ANKFN1: variants seen among roughly 807,000 people sequenced by gnomAD.
ANKFN1 encodes ankyrin repeat and fibronectin type III domain containing 1, also known as ankyrin repeat and fibronectin type-III domain-containing protein 1.
Under a neutral mutation model 108.7 loss-of-function variants are expected in ANKFN1, and 74 were observed. The observed-to-expected ratio is 0.68, with a 90% CI of 0.56 to 0.83. The LOEUF is 0.83. ANKFN1 is among the 40% of genes least tolerant of loss of function. ANKFN1 has a pLI of 0.00. For synonymous variants in ANKFN1, 547 were observed against 516.2 expected, an observed-to-expected ratio of 1.06 and a Z score of -0.81; for missense variants, 1,505 against 1,382.3, an observed-to-expected ratio of 1.09 and a Z score of -1.41.
intron 4 of ANKFN1, among the ~76,000 whole-genome samples, chr17:56,100,328 A>G (rs555193349): frequency 3.9e-5 from 6 of 152,322 alleles, no homozygotes; most frequent in Non-Finnish European, 8.8e-5. Flanking sequence ...TGTCTGTGCC[A>G]TTCAACTTTT....
At chr17:56,387,310 G>A (rs1380138732) in intron 8 of ANKFN1, among the ~76,000 whole-genome samples, 2 of 152,030 alleles carry the variant, frequency 1.3e-5, no homozygotes, top group Non-Finnish European at 2.9e-5. Flanking sequence ...GTTCCCCTGA[G>A]TACTGTTTTG....
rs1345329236 is a variant in ANKFN1 at position 56,170,813 on chromosome 17, C to T, written c.-71+17283C>T. 7.1e-3 allele frequency among the ~76,000 whole-genome samples: 822 copies of T among 115,928 alleles called. 12 individuals carry two copies. Among genetic ancestry groups the T allele is most frequent in the African/African-American group, 0.03 (734 of 24,512 alleles). The allele number at this position is 115,928 out of a possible 152,430, so 76.1% of individuals were successfully genotyped here. A position where few individuals can be genotyped will look rare whatever the true frequency, so the allele number is the denominator to read the frequency against. On this transcript the variant is annotated intron_variant, in intron 1 of 20. Coordinates refer to ENST00000682825, the MANE Select transcript of ANKFN1 (RefSeq NM_001370326.1). ...ATATATATATATATATATATACACACACACACACACACACACACACATATA... is the reference window on the plus strand; with the variant it reads ...ATATATATATATATATATATACACATACACACACACACACACACACATATA...
chr17:56,068,884 C>T (rs148406174), intron 4 of ANKFN1, among the ~76,000 whole-genome samples: 13 of 152,162 alleles, frequency 8.5e-5, no homozygotes, highest in African/African-American at 2.2e-4. Flanking sequence ...TCCTTTATCA[C>T]GTATGTATTT....
chr17:56,442,616 G>A (rs1232606410), intron 9 of ANKFN1, among the ~76,000 whole-genome samples: 2 of 151,972 alleles, frequency 1.3e-5, no homozygotes, highest in Non-Finnish European at 2.9e-5. Context: ...AAACTAAGAG[G>A]GAACTTCAAA....
intron 3 of ANKFN1, among the ~76,000 whole-genome samples, chr17:56,257,467 A>G (rs989506602): frequency 6.6e-6 from 1 of 152,204 alleles, no homozygotes; most frequent in Non-Finnish European, 1.5e-5. Flanking sequence ...AAAGAGGGCA[A>G]ATCTCACAGG....
intron 4 of ANKFN1, among the ~76,000 whole-genome samples, chr17:56,107,214 G>A (rs1457380843): frequency 3.9e-5 from 6 of 152,160 alleles, no homozygotes; most frequent in Non-Finnish European, 7.4e-5. Context: ...TGCAGAGCTT[G>A]AAGGGTGGGC....
chr17:56,411,077 G>A (rs1018280261), intron 8 of ANKFN1, among the ~76,000 whole-genome samples: 5 of 152,070 alleles, frequency 3.3e-5, no homozygotes, highest in African/African-American at 4.8e-5. Flanking sequence ...AGATTGCATC[G>A]AATCTGTAAA....
intron 8 of ANKFN1, among the ~76,000 whole-genome samples, chr17:56,382,089 C>T (rs559226839): frequency 6.6e-6 from 1 of 152,196 alleles, no homozygotes; most frequent in South Asian, 2.1e-4. Flanking sequence ...GCGGATCTCT[C>T]GTTACCCACA....
chr17:56,204,248 T>C (rs1368126889), intron 1 of ANKFN1, among the ~76,000 whole-genome samples: 2 of 152,164 alleles, frequency 1.3e-5, no homozygotes, highest in Non-Finnish European at 2.9e-5. Context: ...GGTTTCACCA[T>C]GTTGGCCAGG....
chr17:56,252,849 C>T (rs2043268515), intron 3 of ANKFN1, among the ~76,000 whole-genome samples: 2 of 151,090 alleles, frequency 1.3e-5, no homozygotes, highest in African/African-American at 4.9e-5. Flanking sequence ...CACTTGAGGC[C>T]AAGAGTTTGA....
intron 14 of ANKFN1, among the ~76,000 whole-genome samples, chr17:56,460,203 C>T (rs2049854293): frequency 6.6e-6 from 1 of 152,054 alleles, no homozygotes; most frequent in African/African-American, 2.4e-5. Flanking sequence ...AAACCTTCTC[C>T]CCAGCACTTT....
intron 8 of ANKFN1, among the ~76,000 whole-genome samples, chr17:56,419,122 C>A (rs1481066886): frequency 6.6e-6 from 1 of 152,200 alleles, no homozygotes; most frequent in African/African-American, 2.4e-5. Flanking sequence ...AGTTGGCCAA[C>A]CCCCAGTCAG....
rs71137190 is a variant in ANKFN1, at chr17:56,061,265, CTTTTT to C, written c.288+14959_288+14963del. ...TCTGATTTCTCTGATGGTAGTTTTT[CTTTTT>C]TTTTTTTTTTTTTTTTTTGAGATGG... On this transcript the variant is annotated intron_variant, in intron 4 of 12. Transcript: ENST00000635860. Among the ~76,000 whole-genome samples the C allele has an allele frequency of 1.1e-3, 78 of 72,928 alleles. 1 individual carries two copies. Among genetic ancestry groups the C allele is most frequent in the Admixed American group, 2.1e-3 (9 of 4,390 alleles). 47.8% of individuals were successfully genotyped at this position (72,928 alleles called of 152,430 possible).
chr17:56,498,073 T>C (rs976299926), intron 19 of ANKFN1, among the ~76,000 whole-genome samples: 3 of 152,090 alleles, frequency 2.0e-5, no homozygotes, highest in African/African-American at 4.8e-5. Context: ...ATAATGAAAA[T>C]ATCATTAAAA....
At chr17:56,253,759 G>A (rs1196645998) in intron 3 of ANKFN1, among the ~76,000 whole-genome samples, 3 of 151,988 alleles carry the variant, frequency 2.0e-5, no homozygotes. Flanking sequence ...AAATAAAAAG[G>A]CCAGAACATT....
At chr17:56,157,324 T>C (rs1040616421) in intron 1 of ANKFN1, among the ~76,000 whole-genome samples, 2 of 152,158 alleles carry the variant, frequency 1.3e-5, no homozygotes, top group African/African-American at 2.4e-5. Context: ...AAATGAGCAA[T>C]GCAGCAGCTT....
chr17:56,144,187 A>ACTCC (rs1908115130), intron 4 of ANKFN1, among the ~76,000 whole-genome samples: 2 of 113,134 alleles, frequency 1.8e-5, no homozygotes, highest in Non-Finnish European at 3.7e-5. Context: ...AAAAAAAAAC[A>ACTCC]GCCCAAACCA....
At chr17:56,188,071 A>T (rs2143668068) in intron 1 of ANKFN1, among the ~76,000 whole-genome samples, 1 of 152,210 alleles carries the variant, frequency 6.6e-6, no homozygotes, top group Admixed American at 6.5e-5. Flanking sequence ...CCTAGAACTT[A>T]AAGTATAAGA....
chr17:56,399,039 A>G (rs2047672424), intron 8 of ANKFN1, among the ~76,000 whole-genome samples: 1 of 152,174 alleles, frequency 6.6e-6, no homozygotes, highest in Non-Finnish European at 1.5e-5. Context: ...GTATAAAATA[A>G]AAATGATGTC....
Sources: allele counts gnomAD v4.1 joint callset (sites outside exome capture counted in the v4.1 genomes callset), GRCh38; gene constraint gnomAD v4.1.1; transcripts MANE v1.5; gene names NCBI Gene and HGNC (gene_info 2026-07-23, HGNC 2026-07-21).